ST7: variants seen among roughly 807,000 people sequenced by gnomAD.
The protein encoded by ST7 is suppression of tumorigenicity 7.
Under a neutral mutation model 78.7 loss-of-function variants are expected in ST7, and 28 were observed. The ratio of observed to expected loss-of-function variants is 0.36; its 90% confidence interval spans 0.26 to 0.49. The LOEUF is 0.49. Ranked by LOEUF, ST7 falls within the 20% of genes least tolerant of loss-of-function variation. The probability of loss-of-function intolerance (pLI) is 0.99; values close to 1 mark genes in which losing one functional copy is unlikely to be tolerated. For missense variants in ST7, 418 were observed against 696.0 expected, an observed-to-expected ratio of 0.60 and a Z score of 4.49; for synonymous variants, 247 against 249.6, an observed-to-expected ratio of 0.99 and a Z score of 0.10.
At chr7:117,139,137 G>A (rs1261931842) in intron 9 of ST7, among the ~76,000 whole-genome samples, 1 of 152,132 alleles carries the variant, frequency 6.6e-6, no homozygotes, top group Non-Finnish European at 1.5e-5. Flanking sequence ...AACCAAGGGA[G>A]GTTATTATTA....
intron 9 of ST7, among the ~76,000 whole-genome samples, chr7:117,152,414 T>C (rs867055493): frequency 2.0e-5 from 3 of 151,588 alleles, no homozygotes; most frequent in Non-Finnish European, 4.4e-5. Context: ...AACTCCAAAT[T>C]TGGAACCTCT....
At chr7:117,012,958 A>G (rs1795447547) in intron 1 of ST7, among the ~76,000 whole-genome samples, 2 of 152,212 alleles carry the variant, frequency 1.3e-5, no homozygotes, top group African/African-American at 2.4e-5. Context: ...TCTAATTTAG[A>G]TATTTCATTA....
intron 1 of ST7, among the ~76,000 whole-genome samples, chr7:117,086,966 C>G (rs1392429141): frequency 1.3e-5 from 2 of 152,156 alleles, no homozygotes; most frequent in Non-Finnish European, 2.9e-5. Context: ...GTGGTGGTTT[C>G]CCCTGTGGCT....
intron 1 of ST7, among the ~76,000 whole-genome samples, chr7:117,051,000 C>T (rs1797765145): frequency 2.0e-5 from 3 of 151,320 alleles, no homozygotes; most frequent in Non-Finnish European, 2.9e-5. Context: ...TTTTGTAAAT[C>T]TCCAAATTTT....
At chr7:116,956,406 A>T (rs1326265951) in intron 1 of ST7, 1 of 462,414 alleles carries the variant, frequency 2.2e-6, no homozygotes, top group South Asian at 1.6e-5. Context: ...AACGGGACTA[A>T]CTTTGCTGTT....
At position 117,138,519 on chromosome 7, in the gene ST7, A is replaced by G. The variant is rs750357043; in HGVS notation, c.950A>G (p.Lys317Arg). 3.7e-6 allele frequency: 6 copies of G among 1,603,132 alleles called. No individual in the cohort carries two copies. In the Middle Eastern group the frequency reaches 6.6e-4, roughly 177 times the overall value. The part of the protein sequence containing the change: ...RRLGRTREAV[K>R]MMRDLMKEFP... ...CTCGGGAGGACCAGGGAAGCAGTGA[A>G]AATGATGAGAGATGTGAGTTTGAGT... is the stretch of plus-strand genomic sequence containing the variant. Residue 317 changes from lysine (K) to arginine (R), a missense_variant, in exon 9 of 16, where the codon AAA becomes AGA. Physicochemically the swap from Lys to Arg is conservative, Grantham distance 26. This residue lies in a region of ST7 where 288 missense variants were observed against 537.1 expected (regional missense o/e 0.54). Coordinates refer to ENST00000323984, the MANE Select transcript of ST7 (RefSeq NM_001369598.1).
chr7:117,056,630 G>A (rs947895514), intron 1 of ST7, among the ~76,000 whole-genome samples: 9 of 151,470 alleles, frequency 5.9e-5, no homozygotes, highest in Admixed American at 1.3e-4. Flanking sequence ...GCGAAACTCC[G>A]TCTCAAAAAT....
chr7:117,065,445 G>A (rs1457501576), intron 1 of ST7, among the ~76,000 whole-genome samples: 2 of 152,176 alleles, frequency 1.3e-5, no homozygotes, highest in East Asian at 1.9e-4. Flanking sequence ...TCCTGACCTC[G>A]TGATCTGCCT....
chr7:117,228,136 C>T (rs1793567326), intron 15 of ST7, among the ~76,000 whole-genome samples: 1 of 152,128 alleles, frequency 6.6e-6, no homozygotes, highest in Non-Finnish European at 1.5e-5. Context: ...ATCCTTACTC[C>T]ATCTCTCTCT....
chr7:117,203,545 C>T (rs536751504), intron 12 of ST7, among the ~76,000 whole-genome samples: 1 of 152,020 alleles, frequency 6.6e-6, no homozygotes, highest in Admixed American at 6.5e-5. Flanking sequence ...GTTTGGAATC[C>T]CCCCTCCTCA....
intron 3 of ST7, among the ~76,000 whole-genome samples, chr7:117,127,200 A>G (rs1365997812): frequency 6.6e-6 from 1 of 151,916 alleles, no homozygotes; most frequent in African/African-American, 2.4e-5. Context: ...TAAGGAATTT[A>G]TTCCTTAAAG....
intron 1 of ST7, among the ~76,000 whole-genome samples, chr7:116,970,296 G>A (rs904238548): frequency 2.0e-5 from 3 of 152,142 alleles, no homozygotes; most frequent in Non-Finnish European, 4.4e-5. Flanking sequence ...TTAGTTACTG[G>A]TCAAGTCCTG....
intron 14 of ST7, among the ~76,000 whole-genome samples, chr7:117,220,338 G>A (rs1325523967): frequency 2.6e-5 from 4 of 152,162 alleles, no homozygotes; most frequent in African/African-American, 9.7e-5. Context: ...CTCACCGTTC[G>A]AGTTTGATTG....
intron 1 of ST7, among the ~76,000 whole-genome samples, chr7:117,068,355 G>A (rs912923928): frequency 5.3e-5 from 8 of 151,816 alleles, no homozygotes; most frequent in Non-Finnish European, 8.8e-5. Flanking sequence ...TTCACTTACC[G>A]AAGTACAGAG....
intron 1 of ST7, among the ~76,000 whole-genome samples, chr7:116,998,018 C>T (rs991269684): frequency 3.3e-5 from 5 of 152,328 alleles, no homozygotes; most frequent in Middle Eastern, 3.4e-3. Flanking sequence ...CTTGGACGGT[C>T]GATGGGACCA....
At chr7:117,114,251 G>C (rs771655533) in intron 2 of ST7, among the ~76,000 whole-genome samples, 6 of 151,956 alleles carry the variant, frequency 3.9e-5, no homozygotes, top group Non-Finnish European at 8.8e-5. Flanking sequence ...AGTTTGATCT[G>C]TCATGAGGAA....
chr7:117,134,054 G>C, intron 6 of ST7, 70 bp from the exon 7 acceptor site: 2 of 1,588,520 alleles, frequency 1.3e-6, no homozygotes, highest in Non-Finnish European at 1.7e-6. Flanking sequence ...ACTCCGAAAT[G>C]ACATAGTGAC....
chr7:116,955,410 G>A (rs1792411181), intron 1 of ST7, among the ~76,000 whole-genome samples: 1 of 152,140 alleles, frequency 6.6e-6, no homozygotes, highest in African/African-American at 2.4e-5. Context: ...GTGGAAGGTG[G>A]AAGGGTAAGA....
At chr7:117,130,390 T>C in intron 4 of ST7, 101 bp from the exon 5 acceptor site, 1 of 688,082 alleles carries the variant, frequency 1.5e-6, no homozygotes, top group East Asian at 3.0e-5. Flanking sequence ...ATTTTAGTAT[T>C]CAGTTAATGG....
Sources: gnomAD v4.1 joint callset for allele counts (sites outside exome capture counted in the v4.1 genomes callset) on GRCh38, gnomAD v4.1.1 for gene constraint, gnomAD v4.1.1 regional missense constraint, MANE v1.5 for transcripts, NCBI Gene and HGNC (gene_info 2026-07-23, HGNC 2026-07-21) for gene names.